The following C13orf42 variants were observed in gnomAD, a reference collection of about 807,000 sequenced individuals.
C13orf42 encodes uncharacterized protein C13orf42.
intron 1 of C13orf42, among the ~76,000 whole-genome samples, chr13:51,110,019 T>A (rs188728555): frequency 3.3e-4 from 50 of 152,098 alleles, no homozygotes; most frequent in Middle Eastern, 3.4e-3. Flanking sequence ...CTTGTGACTG[T>A]CTGGAGACCT....
chr13:51,089,528 G>A (rs1025007923), intron 1 of C13orf42, among the ~76,000 whole-genome samples: 2 of 151,976 alleles, frequency 1.3e-5, no homozygotes, highest in South Asian at 2.1e-4. Flanking sequence ...CCCTTTGCTC[G>A]CCCTCTCTCT....
At chr13:51,153,920 A>T (rs1953805409) in intron 1 of C13orf42, among the ~76,000 whole-genome samples, 1 of 152,094 alleles carries the variant, frequency 6.6e-6, no homozygotes, top group Non-Finnish European at 1.5e-5. Context: ...GGATTGAGCC[A>T]CCATGCCTGA....
chr13:51,147,259 G>A (rs1953742755), intron 1 of C13orf42, among the ~76,000 whole-genome samples: 1 of 152,172 alleles, frequency 6.6e-6, no homozygotes, highest in Non-Finnish European at 1.5e-5. Context: ...CTACACAGGA[G>A]AACAGTCTCT....
intron 1 of C13orf42, among the ~76,000 whole-genome samples, chr13:51,106,015 G>A (rs1313902553): frequency 2.0e-5 from 3 of 152,182 alleles, no homozygotes; most frequent in Non-Finnish European, 4.4e-5. Flanking sequence ...ATGAAGTTCC[G>A]ATTGTAGCTG....
intron 1 of C13orf42, among the ~76,000 whole-genome samples, chr13:51,129,644 T>G (rs977317148): frequency 2.0e-5 from 3 of 152,232 alleles, no homozygotes; most frequent in African/African-American, 7.2e-5. Flanking sequence ...TGCAAACCAG[T>G]TGAACGCACG....
chr13:51,089,273 G>A (rs1953159288), intron 1 of C13orf42, among the ~76,000 whole-genome samples: 1 of 152,080 alleles, frequency 6.6e-6, no homozygotes, highest in Non-Finnish European at 1.5e-5. Context: ...TTTTATACTT[G>A]CAAAATATCA....
intron 1 of C13orf42, among the ~76,000 whole-genome samples, chr13:51,133,070 A>G (rs1953631286): frequency 6.6e-6 from 1 of 152,212 alleles, no homozygotes; most frequent in Admixed American, 6.5e-5. Context: ...CAATCAAGAA[A>G]TAACCATAAA....
At chr13:51,118,384 A>G (rs148882176) in intron 1 of C13orf42, among the ~76,000 whole-genome samples, 20 of 152,320 alleles carry the variant, frequency 1.3e-4, no homozygotes, top group African/African-American at 4.8e-4. Context: ...GAGGGGCACG[A>G]CAGGCCTCCT....
intron 1 of C13orf42, among the ~76,000 whole-genome samples, chr13:51,139,696 T>G (rs763557662): frequency 6.6e-6 from 1 of 152,138 alleles, no homozygotes; most frequent in African/African-American, 2.4e-5. Flanking sequence ...ACCAGCACCA[T>G]GACAGTTTGT....
At chr13:51,143,411 T>A (rs1365850642) in intron 1 of C13orf42, among the ~76,000 whole-genome samples, 2 of 152,180 alleles carry the variant, frequency 1.3e-5, no homozygotes, top group Non-Finnish European at 2.9e-5. Context: ...TGGAGCCCTG[T>A]GTCAGATTAA....
chr13:51,134,918 G>A lies in C13orf42; in HGVS notation n.137-21696C>T, dbSNP rs75751293. 2.2e-4 allele frequency among the ~76,000 whole-genome samples: 33 copies of A among 152,334 alleles called. No individual in the cohort carries two copies. In the East Asian group the frequency reaches 4.8e-3, roughly 22 times the overall value. On this transcript the variant is annotated intron_variant and non_coding_transcript_variant, in intron 1 of 4. Coordinates refer to the C13orf42 transcript ENST00000433280. ...CCTGACCTGGATGGAGCCACCAGCCGCAGCGGGGTAAGATTGAGAGTCCAA... is the reference window on the plus strand; with the variant it reads ...CCTGACCTGGATGGAGCCACCAGCCACAGCGGGGTAAGATTGAGAGTCCAA...
intron 1 of C13orf42, among the ~76,000 whole-genome samples, chr13:51,169,633 C>G (rs1953930621): frequency 6.6e-6 from 1 of 152,238 alleles, no homozygotes; most frequent in South Asian, 2.1e-4. Flanking sequence ...CTCTGTGCAG[C>G]CTGGGGACAT....
chr13:51,110,295 C>G (rs1455482790), intron 1 of C13orf42, among the ~76,000 whole-genome samples: 9 of 152,176 alleles, frequency 5.9e-5, no homozygotes, highest in Non-Finnish European at 4.4e-5. Flanking sequence ...AAATGCCATG[C>G]AAGCATTATC....
At chr13:51,085,236 G>T (rs893372203) in intron 3 of C13orf42, 83 bp downstream of exon 3, 2 of 386,038 alleles carry the variant, frequency 5.2e-6, no homozygotes, top group African/African-American at 4.2e-5. Flanking sequence ...TGTAAGATGG[G>T]GCTGGAGGCA....
rs145246343 is a variant in C13orf42, at chr13:51,089,443, C to T, written c.415-1368G>A. Among the ~76,000 whole-genome samples the T allele has an allele frequency of 1.2e-3, 190 of 152,058 alleles. 4 individuals are homozygous for T. In the East Asian group the frequency reaches 0.034, roughly 27 times the overall value. ...GTGGGAGGTGATTGGATCATGGGGG[C>T]GGTTTCCTCCTTGCTGTTCTCATGA... On this transcript the variant is annotated intron_variant, in intron 1 of 3. Coordinates refer to ENST00000563710, the MANE Select transcript of C13orf42 (RefSeq NM_001351589.3).
chr13:51,130,044 G>C (rs1173604055), intron 1 of C13orf42, among the ~76,000 whole-genome samples: 1 of 152,140 alleles, frequency 6.6e-6, no homozygotes, highest in Non-Finnish European at 1.5e-5. Context: ...TGTATGTGTT[G>C]TGTGTGTGAT....
chr13:51,112,074 G>GT (rs1410304082), upstream of C13orf42, among the ~76,000 whole-genome samples: 1 of 152,194 alleles, frequency 6.6e-6, no homozygotes, highest in African/African-American at 2.4e-5. Flanking sequence ...GACATAAACT[G>GT]TTTTTTCAAG....
chr13:51,096,219 G>A (rs956854174), intron 1 of C13orf42, among the ~76,000 whole-genome samples: 1 of 152,190 alleles, frequency 6.6e-6, no homozygotes, highest in Non-Finnish European at 1.5e-5. Flanking sequence ...TAAAGAGAGG[G>A]TTTCCCTCCT....
In C13orf42 at chr13:51,111,223, T is replaced by C; in HGVS notation, c.-14A>G. 2.5e-6 allele frequency: 1 copy of C among 398,660 alleles called. No individual in the cohort carries two copies. Among genetic ancestry groups the C allele is most frequent in the Non-Finnish European group, 4.4e-6 (1 of 226,108 alleles). The allele number at this position is 398,660 out of a possible 1,614,324, so 24.7% of individuals were successfully genotyped here. A position where few individuals can be genotyped will look rare whatever the true frequency, so the allele number is the denominator to read the frequency against. On this transcript the variant is annotated 5_prime_UTR_variant, in exon 1 of 4. Transcript: ENST00000563710. The stretch of plus-strand genomic sequence containing the variant: ...CTTTCTGAACATAGTGCTCGATTTC[T>C]TTCTGTGGGTACCTTCCAGCTGCCT...
Sources: gnomAD v4.1 joint callset for allele counts (sites outside exome capture counted in the v4.1 genomes callset) on GRCh38, gnomAD v4.1.1 for gene constraint, MANE v1.5 for transcripts, NCBI Gene and HGNC (gene_info 2026-07-23, HGNC 2026-07-21) for gene names.